The following KDM4B variants were observed in gnomAD, a reference collection of about 807,000 sequenced individuals.
KDM4B encodes lysine-specific demethylase 4B.
KDM4B carries 32 observed loss-of-function variants against 125.2 expected under a neutral mutation model. The observed-to-expected ratio is 0.26, with a 90% CI of 0.19 to 0.34. The LOEUF is 0.34. KDM4B is among the 10% of genes least tolerant of loss of function. The pLI is 1.00. For missense variants in KDM4B, 1,190 were observed against 1,577.7 expected, an observed-to-expected ratio of 0.75 and a Z score of 4.16; for synonymous variants, 721 against 677.9, an observed-to-expected ratio of 1.06 and a Z score of -0.99.
intron 1 of KDM4B, among the ~76,000 whole-genome samples, chr19:5,002,421 T>TCCTTTCTCTCTACTTTCTCTCC (rs2035417674): frequency 1.3e-5 from 2 of 151,756 alleles, no homozygotes; most frequent in Non-Finnish European, 2.9e-5. Context: ...CCTTTCTCTC[T>TCCTTTCTCTCTACTTTCTCTCC]CCTTTCTCTC....
intron 1 of KDM4B, among the ~76,000 whole-genome samples, chr19:5,000,882 A>G (rs1005253375): frequency 6.6e-6 from 1 of 152,156 alleles, no homozygotes; most frequent in Admixed American, 6.5e-5. Flanking sequence ...CAGAGTCAGG[A>G]CTGCACAAAA....
chr19:5,062,138 C>G (rs1406775929), intron 6 of KDM4B, among the ~76,000 whole-genome samples: 1 of 152,222 alleles, frequency 6.6e-6, no homozygotes, highest in Non-Finnish European at 1.5e-5. Context: ...CCTGTAATCT[C>G]TCCCTCCCAG....
chr19:4,973,437 C>G (rs1173419977), intron 1 of KDM4B, among the ~76,000 whole-genome samples: 2 of 152,262 alleles, frequency 1.3e-5, no homozygotes, highest in African/African-American at 4.8e-5. Flanking sequence ...GATCCGCCTG[C>G]CTCGGCCTCC....
chr19:5,124,787 G>C (rs1292523581), intron 11 of KDM4B, among the ~76,000 whole-genome samples: 1 of 152,066 alleles, frequency 6.6e-6, no homozygotes, highest in Non-Finnish European at 1.5e-5. Context: ...GTACAGACAG[G>C]GTTTCACCAT....
chr19:5,132,121 C>T (rs2146061448), intron 13 of KDM4B, 114 bp downstream of exon 13: 1 of 1,301,326 alleles, frequency 7.7e-7, no homozygotes, highest in Non-Finnish European at 1.0e-6. Flanking sequence ...TGGGTCTCCT[C>T]CCCTGAACCC....
rs779720251 is a variant in KDM4B at position 5,132,020 on chromosome 19, TC to T, written c.1906+17del. The T allele has an allele frequency of 3.9e-5, 63 of 1,596,814 alleles. No individual in the cohort carries two copies. In the African/African-American group the frequency reaches 7.8e-4, roughly 20 times the overall value. ...TCAAGTGACGAGGGTGAGTGGGGGG[TC>T]CCCAGGTCGGCTCTCATCAGCCCTG... On this transcript the variant is annotated intron_variant, in intron 13 of 22. Transcript: ENST00000159111.
At chr19:5,002,599 C>A (rs1045350838) in intron 1 of KDM4B, among the ~76,000 whole-genome samples, 5 of 151,752 alleles carry the variant, frequency 3.3e-5, no homozygotes, top group African/African-American at 1.2e-4. Context: ...AGCAGTCTTC[C>A]TGCCTTGGCC....
chr19:5,102,167 C>A (rs146008827), intron 9 of KDM4B, among the ~76,000 whole-genome samples: 1 of 152,174 alleles, frequency 6.6e-6, no homozygotes, highest in African/African-American at 2.4e-5. Flanking sequence ...GGTGGCCGTC[C>A]GTCTGCTCGC....
intron 6 of KDM4B, among the ~76,000 whole-genome samples, chr19:5,068,704 A>G (rs1361320635): frequency 1.3e-5 from 2 of 152,346 alleles, no homozygotes; most frequent in Admixed American, 6.5e-5. Flanking sequence ...GGCGGAGCCC[A>G]GAAGTCTCCG....
At chr19:5,147,014 G>A (rs1389636523) in intron 21 of KDM4B, among the ~76,000 whole-genome samples, 1 of 151,480 alleles carries the variant, frequency 6.6e-6, no homozygotes, top group African/African-American at 2.4e-5. Flanking sequence ...GGCAGGATGG[G>A]TGGGGTCTGT....
At chr19:5,103,259 G>A (rs866194917) in intron 9 of KDM4B, among the ~76,000 whole-genome samples, 11 of 152,228 alleles carry the variant, frequency 7.2e-5, no homozygotes, top group Admixed American at 6.5e-5. Flanking sequence ...TTGGCACGAC[G>A]TCCTGAAGCA....
intron 6 of KDM4B, among the ~76,000 whole-genome samples, chr19:5,054,937 A>G (rs1435111345): frequency 4.6e-5 from 7 of 152,242 alleles, no homozygotes; most frequent in Non-Finnish European, 8.8e-5. Context: ...TGAACTGAGC[A>G]CCAGAAGCTG....
chr19:5,100,875 A>G (rs2038917818), intron 9 of KDM4B, among the ~76,000 whole-genome samples: 1 of 152,042 alleles, frequency 6.6e-6, no homozygotes, highest in Admixed American at 6.6e-5. Flanking sequence ...ATGATGTAGT[A>G]TCTTTTATTT....
intron 1 of KDM4B, among the ~76,000 whole-genome samples, chr19:4,972,586 C>T (rs1373122647): frequency 6.6e-6 from 1 of 152,172 alleles, no homozygotes; most frequent in Non-Finnish European, 1.5e-5. Context: ...AGCACCCTGT[C>T]CCCTAAGCGG....
At chr19:5,028,258 C>G (rs994079299) in intron 2 of KDM4B, among the ~76,000 whole-genome samples, 56 of 152,230 alleles carry the variant, frequency 3.7e-4, no homozygotes, top group African/African-American at 1.2e-3. Flanking sequence ...ATTACAGGTG[C>G]GAGCCACTGC....
chr19:5,118,598 C>T (rs1376744706), intron 10 of KDM4B, among the ~76,000 whole-genome samples: 1 of 152,206 alleles, frequency 6.6e-6, no homozygotes, highest in Non-Finnish European at 1.5e-5. Flanking sequence ...CCACCCCCTC[C>T]GCATCTCCAA....
At chr19:5,005,706 A>ACCATGTCCTCAC (rs2035534938) in intron 1 of KDM4B, among the ~76,000 whole-genome samples, 1 of 152,044 alleles carries the variant, frequency 6.6e-6, no homozygotes, top group African/African-American at 2.4e-5. Flanking sequence ...TGTGCTCTGT[A>ACCATGTCCTCAC]CCATGTCCTC....
rs763898080 is a variant in KDM4B, at chr19:5,131,501, G to A, written c.1741G>A (p.Gly581Arg). The change falls in exon 12 of 23, where the codon GGG becomes AGG. Residue 581 changes from glycine to arginine, a missense_variant. Transcript: ENST00000159111. ...TGPEDGAASS[G>R]AGRMETKARA... is the part of the protein sequence containing the mutation. ...GCCAGAGGACGGTGCAGCCAGCAGT[G>A]GGGCAGGTCGCATGGAGACCAAAGC... 3.2e-6 allele frequency: 5 copies of A among 1,577,556 alleles called. No homozygotes were observed. In the African/African-American group the frequency reaches 6.1e-5, roughly 19 times the overall value.
At chr19:5,057,074 G>A (rs951806813) in intron 6 of KDM4B, among the ~76,000 whole-genome samples, 49 of 151,638 alleles carry the variant, frequency 3.2e-4, no homozygotes, top group Admixed American at 7.9e-4. Context: ...GTGCGCGCGC[G>A]CGCGTATGTT....
Sources: gnomAD v4.1 joint callset for allele counts (sites outside exome capture counted in the v4.1 genomes callset) on GRCh38, gnomAD v4.1.1 for gene constraint, MANE v1.5 for transcripts, NCBI Gene and HGNC (gene_info 2026-07-23, HGNC 2026-07-21) for gene names.